The following GIGYF2 variants were observed in gnomAD, a reference collection of about 807,000 sequenced individuals.
GIGYF2 encodes GRB10 interacting GYF protein 2.
A neutral mutation model predicts 208.1 loss-of-function variants in GIGYF2; 25 were observed. The observed-to-expected ratio is 0.12, with a 90% CI of 0.09 to 0.17. GIGYF2 has a LOEUF of 0.17. Ranked by LOEUF, GIGYF2 falls within the 10% of genes least tolerant of loss-of-function variation. The pLI, the probability that GIGYF2 is intolerant of heterozygous loss-of-function variation, is 1.00. For missense variants in GIGYF2, 1,302 were observed against 1,579.4 expected (o/e 0.82, Z 2.98); for synonymous variants, 534 against 543.8 (o/e 0.98, Z 0.25).
chr2:232,771,180 A>C, intron 8 of GIGYF2: 1 of 1,613,970 alleles, frequency 6.2e-7, no homozygotes, highest in Non-Finnish European at 8.5e-7. Context: ...CAAAAGAAGC[A>C]GAAAAGACCA....
chr2:232,824,480 T>A (rs1271265503), intron 21 of GIGYF2, among the ~76,000 whole-genome samples: 2 of 152,146 alleles, frequency 1.3e-5, no homozygotes, highest in Non-Finnish European at 2.9e-5. Context: ...GCCGCAACAT[T>A]CCCTTAAGCC....
chr2:232,713,485 CATCTT>C (rs1425611878), intron 2 of GIGYF2, among the ~76,000 whole-genome samples: 1 of 152,222 alleles, frequency 6.6e-6, no homozygotes, highest in Non-Finnish European at 1.5e-5. Context: ...CAGTTATTAA[CATCTT>C]ACATTACTAT....
At chr2:232,848,267 A>G (rs905494517) in intron 27 of GIGYF2, among the ~76,000 whole-genome samples, 1 of 152,130 alleles carries the variant, frequency 6.6e-6, no homozygotes, top group African/African-American at 2.4e-5. Flanking sequence ...CAGCACACGT[A>G]TTTTCTTCCT....
intron 17 of GIGYF2, among the ~76,000 whole-genome samples, chr2:232,811,700 A>G (rs1332227318): frequency 2.0e-5 from 3 of 152,166 alleles, no homozygotes; most frequent in Non-Finnish European, 2.9e-5. Context: ...CCACACCACA[A>G]AAGGTTGTAA....
chr2:232,830,841 T>C (rs1342221345), intron 21 of GIGYF2, among the ~76,000 whole-genome samples: 1 of 152,190 alleles, frequency 6.6e-6, no homozygotes, highest in Non-Finnish European at 1.5e-5. Context: ...TGATAATAAC[T>C]TGTAAAAAAG....
At chr2:232,832,323 C>T (rs966320373) in intron 21 of GIGYF2, among the ~76,000 whole-genome samples, 1 of 152,144 alleles carries the variant, frequency 6.6e-6, no homozygotes, top group African/African-American at 2.4e-5. Context: ...GGAAAATGAG[C>T]CCAGGTGAGG....
At chr2:232,771,021 C>G in intron 8 of GIGYF2, 1 of 1,613,954 alleles carries the variant, frequency 6.2e-7, no homozygotes, top group African/African-American at 1.3e-5. Context: ...GTTGTGTCTC[C>G]AGGGAGAAGG....
rs114545657 is a variant in GIGYF2 at position 232,848,326 on chromosome 2, A to T, written c.3684+755A>T. Among the ~76,000 whole-genome samples, 778 of 152,298 alleles carry T rather than the reference A, an allele frequency of 5.1e-3. 12 individuals are homozygous for T. Among genetic ancestry groups the T allele is most frequent in the African/African-American group, 0.018 (757 of 41,544 alleles). Reference sequence around the variant, plus strand: ...GCTTAGGAACAACAACCAGTTCTTCAGCACTATAGTTGAGGGCCACTTTAC... The same window carrying T: ...GCTTAGGAACAACAACCAGTTCTTCTGCACTATAGTTGAGGGCCACTTTAC... On this transcript the variant is annotated intron_variant, in intron 27 of 28. Coordinates refer to ENST00000373563, the MANE Select transcript of GIGYF2 (RefSeq NM_001103146.3).
intron 14 of GIGYF2, among the ~76,000 whole-genome samples, chr2:232,802,198 A>G (rs1700419448): frequency 6.6e-6 from 1 of 151,142 alleles, no homozygotes; most frequent in Non-Finnish European, 1.5e-5. Context: ...TGCATAAAAG[A>G]TTATATCATC....
chr2:232,768,738 G>A (rs1322060507), intron 8 of GIGYF2: 2 of 1,601,336 alleles, frequency 1.2e-6, no homozygotes, highest in Non-Finnish European at 8.5e-7. Context: ...ATCCATGTGA[G>A]CTACTACTGC....
intron 26 of GIGYF2, 117 bp downstream of exon 26, chr2:232,846,003 G>T (rs4973054): frequency 1.4e-6 from 1 of 729,784 alleles, no homozygotes; most frequent in South Asian, 1.5e-5. Context: ...GAGGTCAACT[G>T]CTGCACCTGC....
intron 3 of GIGYF2, among the ~76,000 whole-genome samples, chr2:232,740,499 C>A (rs1697931462): frequency 2.6e-5 from 4 of 152,048 alleles, no homozygotes; most frequent in Admixed American, 2.6e-4. Context: ...TTTTCTTCCC[C>A]AAAGTATTTT....
intron 5 of GIGYF2, among the ~76,000 whole-genome samples, chr2:232,754,094 G>A (rs1241225565): frequency 6.6e-6 from 1 of 152,074 alleles, no homozygotes; most frequent in Non-Finnish European, 1.5e-5. Flanking sequence ...GAACCTGGAA[G>A]GCGGAGGTTG....
At chr2:232,721,218 T>G (rs776026384) in intron 2 of GIGYF2, among the ~76,000 whole-genome samples, 26 of 152,320 alleles carry the variant, frequency 1.7e-4, no homozygotes, top group Non-Finnish European at 3.2e-4. Context: ...AATTCCACTA[T>G]GCCATGCATT....
At position 232,794,658 on chromosome 2, in the gene GIGYF2, A is replaced by G. The variant is rs915034461; in HGVS notation, c.1283-90A>G. 25 of 1,000,408 alleles carry G rather than the reference A, an allele frequency of 2.5e-5. No individual in the cohort carries two copies. The Admixed American group carries it at 4.1e-4, about 16-fold the overall frequency. 62.0% of individuals were successfully genotyped at this position (1,000,408 alleles called of 1,614,324 possible). A position where few individuals can be genotyped will look rare whatever the true frequency, so the allele number is the denominator to read the frequency against. On this transcript the variant is annotated intron_variant, in intron 12 of 28. Transcript: ENST00000373563. The stretch of plus-strand genomic sequence containing the variant: ...AGGGCTCACGTTTTCTGTTTGGCCC[A>G]TTTAGCAGGCTGTGCGACTTGATAA...
chr2:232,850,761 C>T (rs762126857), intron 28 of GIGYF2, among the ~76,000 whole-genome samples: 4 of 152,172 alleles, frequency 2.6e-5, no homozygotes, highest in Non-Finnish European at 5.9e-5. Flanking sequence ...AACTTAAATG[C>T]TTATTTGTAT....
intron 28 of GIGYF2, 122 bp downstream of exon 28, chr2:232,850,531 AATGT>A (rs1291445109): frequency 2.5e-5 from 24 of 977,862 alleles, no homozygotes; most frequent in Middle Eastern, 2.5e-4. Flanking sequence ...ATCAATAACT[AATGT>A]TTTAACTGGT....
At chr2:232,740,097 G>A (rs574144240) in intron 3 of GIGYF2, among the ~76,000 whole-genome samples, 1 of 152,174 alleles carries the variant, frequency 6.6e-6, no homozygotes, top group Admixed American at 6.5e-5. Flanking sequence ...CATCCTGAGT[G>A]ACAAAGTGCT....
chr2:232,811,201 AGT>A, intron 16 of GIGYF2, 41 bp from the exon 17 acceptor site: 1 of 1,027,596 alleles, frequency 9.7e-7, no homozygotes, highest in Non-Finnish European at 1.5e-6. Flanking sequence ...ATGTGAACTA[AGT>A]GTGGATTGAC....
Sources: gnomAD v4.1 joint callset for allele counts (sites outside exome capture counted in the v4.1 genomes callset) on GRCh38, gnomAD v4.1.1 for gene constraint, MANE v1.5 for transcripts, NCBI Gene and HGNC (gene_info 2026-07-23, HGNC 2026-07-21) for gene names.